Variants in CNTNAP2 observed in about 807,000 individuals in gnomAD.
The protein encoded by CNTNAP2 is contactin-associated protein-like 2.
In CNTNAP2, 98 loss-of-function variants were observed where a neutral mutation model predicts 155.2. The ratio of observed to expected loss-of-function variants is 0.63; its 90% CI spans 0.54 to 0.75. The LOEUF is 0.75. CNTNAP2 is among the 30% of genes least tolerant of loss of function. CNTNAP2 has a pLI of 0.00. For missense variants in CNTNAP2, 1,727 were observed against 1,688.1 expected, an observed-to-expected ratio of 1.02 and a Z score of -0.40; for synonymous variants, 651 against 631.2, an observed-to-expected ratio of 1.03 and a Z score of -0.47.
At chr7:146,666,151 C>G (rs929671319) in intron 1 of CNTNAP2, among the ~76,000 whole-genome samples, 3 of 152,094 alleles carry the variant, frequency 2.0e-5, no homozygotes, top group African/African-American at 7.2e-5. Context: ...TCTCCCTGTT[C>G]CCTACCCTTT....
In CNTNAP2 at chr7:147,560,477, G is replaced by A. The variant is rs147701322; in HGVS notation, c.1778-1661G>A. On this transcript the variant is annotated intron_variant, in intron 11 of 23. Transcript: ENST00000361727. ...TATGACATTCTGAATTAGAGCAGCC[G>A]TGTAGTTTATCATCTGAATGAGACC... Among the ~76,000 whole-genome samples, 22 of 152,162 alleles carry A rather than the reference G, an allele frequency of 1.4e-4. 1 individual carries two copies. In the South Asian group the frequency reaches 2.7e-3, roughly 19 times the overall value.
intron 21 of CNTNAP2, among the ~76,000 whole-genome samples, chr7:148,269,885 TG>T (rs2116844554): frequency 6.6e-6 from 1 of 152,340 alleles, no homozygotes; most frequent in South Asian, 2.1e-4. Flanking sequence ...CAGAACCATA[TG>T]ATTCCATCAA....
intron 9 of CNTNAP2, among the ~76,000 whole-genome samples, chr7:147,336,350 T>G (rs1326340159): frequency 6.6e-6 from 1 of 152,128 alleles, no homozygotes; most frequent in East Asian, 1.9e-4. Flanking sequence ...GTAGCTTACG[T>G]GGAAGCAGCA....
rs777559850 is a variant in CNTNAP2 at position 148,229,668 on chromosome 7, C to A, written c.3270C>A (p.Asn1090Lys). The A allele has an allele frequency of 6.2e-7, 1 of 1,613,980 alleles. No individual in the cohort carries two copies. Among genetic ancestry groups the A allele is most frequent in the Non-Finnish European group, 8.5e-7 (1 of 1,180,012 alleles). The change falls in exon 20 of 24, where the codon AAC (asparagine) becomes AAA (lysine). Residue 1090 changes from asparagine (N) to lysine (K), a missense_variant. Physicochemically the swap from Asn to Lys is moderately conservative, Grantham distance 94 (BLOSUM62 0). Coordinates refer to ENST00000361727, the MANE Select transcript of CNTNAP2 (RefSeq NM_014141.6). The part of the protein sequence containing the change: ...KPTGSLQIRY[N>K]LGGTREPYNI... Reference sequence around the variant, plus strand: ...TAGGAAGCTTACAGATTCGATACAACCTGGGTGGCACCCGAGAGCCATACA... The same window carrying A: ...TAGGAAGCTTACAGATTCGATACAAACTGGGTGGCACCCGAGAGCCATACA...
chr7:148,019,700 G>A (rs1802244493), intron 15 of CNTNAP2, among the ~76,000 whole-genome samples: 4 of 151,896 alleles, frequency 2.6e-5, no homozygotes, highest in South Asian at 2.1e-4. Context: ...CAAGTGATCC[G>A]CCTGCCTTGC....
At chr7:148,257,273 C>T (rs1796471251) in intron 20 of CNTNAP2, among the ~76,000 whole-genome samples, 3 of 152,182 alleles carry the variant, frequency 2.0e-5, no homozygotes, top group Admixed American at 6.5e-5. Flanking sequence ...CTGCAGGATT[C>T]GGTTAACTTT....
intron 3 of CNTNAP2, among the ~76,000 whole-genome samples, chr7:146,909,086 T>C (rs1412769731): frequency 6.6e-6 from 1 of 151,954 alleles, no homozygotes; most frequent in African/African-American, 2.4e-5. Flanking sequence ...ACATACACTC[T>C]CCCAAGACTA....
At position 147,503,669 on chromosome 7, in the gene CNTNAP2, C is replaced by T. The variant is rs913470608; in HGVS notation, c.1777+17628C>T. 2.8e-5 allele frequency among the ~76,000 whole-genome samples: 4 copies of T among 145,324 alleles called. No individual in the cohort carries two copies. In the Admixed American group the frequency reaches 2.8e-4, roughly 10 times the overall value. ...TCTTGTTTGCTCACTAAAACTTAAA[C>T]GGATTTCTCTTTTGTAAAAAAAAAA... On this transcript the variant is annotated intron_variant, in intron 11 of 23. Coordinates refer to ENST00000361727, the MANE Select transcript of CNTNAP2 (RefSeq NM_014141.6).
chr7:148,193,652 T>G (rs1430352149), intron 18 of CNTNAP2, among the ~76,000 whole-genome samples: 1 of 152,056 alleles, frequency 6.6e-6, no homozygotes, highest in African/African-American at 2.4e-5. Context: ...CTATGGTGCT[T>G]TCTGCCATGC....
intron 13 of CNTNAP2, among the ~76,000 whole-genome samples, chr7:147,697,960 T>C (rs1796186740): frequency 6.6e-6 from 1 of 151,954 alleles, no homozygotes; most frequent in East Asian, 1.9e-4. Flanking sequence ...TGCCCTGGAG[T>C]TTTCATCTTT....
chr7:147,374,197 C>T (rs1421509986), intron 9 of CNTNAP2, among the ~76,000 whole-genome samples: 4 of 151,872 alleles, frequency 2.6e-5, no homozygotes, highest in Admixed American at 1.3e-4. Flanking sequence ...ACATTATATT[C>T]CTATTTCTCA....
intron 13 of CNTNAP2, among the ~76,000 whole-genome samples, chr7:147,901,699 G>A (rs1372702448): frequency 1.3e-5 from 2 of 152,060 alleles, no homozygotes; most frequent in African/African-American, 2.4e-5. Context: ...TGCCTCCTCT[G>A]GGAGACCTTC....
At chr7:147,151,660 C>A (rs1054050297) in intron 8 of CNTNAP2, among the ~76,000 whole-genome samples, 1 of 151,666 alleles carries the variant, frequency 6.6e-6, no homozygotes, top group Non-Finnish European at 1.5e-5. Flanking sequence ...TTATGGAAAG[C>A]TTTTTCTAAA....
chr7:147,601,126 A>G (rs143889960), intron 12 of CNTNAP2, among the ~76,000 whole-genome samples: 226 of 152,156 alleles, frequency 1.5e-3, no homozygotes, highest in African/African-American at 5.0e-3. Context: ...TTCACAGCCA[A>G]TGTTGTTTTA....
At chr7:147,729,605 T>C (rs1796706595) in intron 13 of CNTNAP2, among the ~76,000 whole-genome samples, 1 of 151,974 alleles carries the variant, frequency 6.6e-6, no homozygotes, top group Non-Finnish European at 1.5e-5. Flanking sequence ...AAAGAAAAAC[T>C]GTGTGGACCA....
At chr7:146,443,511 C>T (rs987789048) in intron 1 of CNTNAP2, among the ~76,000 whole-genome samples, 1 of 152,074 alleles carries the variant, frequency 6.6e-6, no homozygotes, top group Non-Finnish European at 1.5e-5. Context: ...AGGACAAAGC[C>T]GTAATAACTC....
chr7:147,768,421 C>A (rs1797416276), intron 13 of CNTNAP2, among the ~76,000 whole-genome samples: 1 of 152,036 alleles, frequency 6.6e-6, no homozygotes, highest in Admixed American at 6.6e-5. Context: ...TATATGTAAA[C>A]TCTTTACTAT....
chr7:147,112,994 C>T (rs1192933983), intron 5 of CNTNAP2, among the ~76,000 whole-genome samples: 1 of 152,046 alleles, frequency 6.6e-6, no homozygotes, highest in Non-Finnish European at 1.5e-5. Context: ...TGGTAGAATG[C>T]AGCTGTGAGT....
At chr7:147,303,608 C>T (rs766095799) in intron 9 of CNTNAP2, among the ~76,000 whole-genome samples, 1 of 152,194 alleles carries the variant, frequency 6.6e-6, no homozygotes, top group Non-Finnish European at 1.5e-5. Flanking sequence ...TTCTAAAACA[C>T]GAGCTTTGGA....
Sources: allele counts gnomAD v4.1 joint callset (sites outside exome capture counted in the v4.1 genomes callset), GRCh38; gene constraint gnomAD v4.1.1; transcripts MANE v1.5; gene names NCBI Gene and HGNC (gene_info 2026-07-23, HGNC 2026-07-21).